Variants in TRMT11 observed in about 807,000 individuals in gnomAD.
The protein encoded by TRMT11 is tRNA methyltransferase 11.
A neutral mutation model predicts 62.8 loss-of-function variants in TRMT11; 53 were observed. The observed-to-expected ratio is 0.84, with a 90% CI of 0.68 to 1.06. The LOEUF (loss-of-function observed/expected upper bound fraction) is 1.06, where lower values mean the gene tolerates loss of function less well. Among genes scored for constraint, TRMT11 ranks in the 50% least tolerant of loss-of-function variants. The pLI, the probability that TRMT11 is intolerant of heterozygous loss-of-function variation, is 0.00. For missense variants in TRMT11, 556 were observed against 553.4 expected (o/e 1.00, Z -0.05); for synonymous variants, 188 against 190.3 (o/e 0.99, Z 0.10).
chr6:126,115,425 C>G (rs1777576209), exon 20 of TRMT11, among the ~76,000 whole-genome samples: 1 of 152,068 alleles, frequency 6.6e-6, no homozygotes, highest in Non-Finnish European at 1.5e-5. Flanking sequence ...TCAGATGATT[C>G]CAATGTGCAG....
At chr6:126,012,189 AT>A in intron 9 of TRMT11, among the ~76,000 whole-genome samples, 1 of 152,150 alleles carries the variant, frequency 6.6e-6, no homozygotes, top group East Asian at 1.9e-4. Flanking sequence ...CTTTATGAAA[AT>A]TTAGTTTTTT....
intron 17 of TRMT11, among the ~76,000 whole-genome samples, chr6:126,063,813 C>G (rs1461510045): frequency 6.6e-6 from 1 of 152,208 alleles, no homozygotes; most frequent in East Asian, 1.9e-4. Context: ...GCTTTTACAG[C>G]CCAGGGTAGA....
At chr6:126,155,151 A>G (rs1017407702) in intron 21 of TRMT11, among the ~76,000 whole-genome samples, 1 of 152,298 alleles carries the variant, frequency 6.6e-6, no homozygotes, top group Admixed American at 6.5e-5. Flanking sequence ...GCATCTTCTT[A>G]TGGGGCCCGA....
chr6:126,028,746 A>G (rs1003393862), intron 12 of TRMT11, among the ~76,000 whole-genome samples: 4 of 152,164 alleles, frequency 2.6e-5, no homozygotes, highest in African/African-American at 9.7e-5. Context: ...TTGATAAACC[A>G]TGAAAAAGCA....
chr6:126,151,874 C>T lies in TRMT11; in HGVS notation c.*1824-22951C>T, dbSNP rs1562334858. Among the ~76,000 whole-genome samples, 380 of 79,612 alleles carry T rather than the reference C, an allele frequency of 4.8e-3. 6 individuals carry two copies. The highest frequency in any genetic ancestry group is 7.2e-3 in the South Asian group (19 of 2,632). The allele number at this position is 79,612 out of a possible 152,430, so 52.2% of individuals were successfully genotyped here. A position where few individuals can be genotyped will look rare whatever the true frequency, so the allele number is the denominator to read the frequency against. ...TCTTTCTTTCTTTCTTTCCTTCTTT[C>T]TCCTTCCTTCCTTGTCTTTTTCTTT... On this transcript the variant is annotated intron_variant and NMD_transcript_variant, in intron 21 of 22. Coordinates refer to the TRMT11 transcript ENST00000648977.
chr6:126,050,088 G>A (rs910920997), intron 16 of TRMT11, among the ~76,000 whole-genome samples: 3 of 152,158 alleles, frequency 2.0e-5, no homozygotes, highest in Non-Finnish European at 4.4e-5. Context: ...CAGCACTTTG[G>A]GAGGTGGAGG....
chr6:126,062,803 C>T (rs911498757), intron 17 of TRMT11, among the ~76,000 whole-genome samples: 6 of 152,244 alleles, frequency 3.9e-5, no homozygotes, highest in Middle Eastern at 3.4e-3. Flanking sequence ...AGGACTGAAG[C>T]TGATGTAAAT....
intron 21 of TRMT11, among the ~76,000 whole-genome samples, chr6:126,159,188 A>C (rs1403204983): frequency 6.6e-6 from 1 of 152,028 alleles, no homozygotes. Context: ...AGATATTTGC[A>C]AGTGATATGT....
In TRMT11 at chr6:126,169,640, G is replaced by A. The variant is rs567021979; in HGVS notation, c.*1824-5185G>A. 8.5e-4 allele frequency among the ~76,000 whole-genome samples: 130 copies of A among 152,066 alleles called. 1 individual carries two copies. Among genetic ancestry groups the A allele is most frequent in the Non-Finnish European group, 1.7e-3 (117 of 68,004 alleles). On this transcript the variant is annotated intron_variant and NMD_transcript_variant, in intron 21 of 22. Transcript: ENST00000648977. ...GTCACCTGGCTGGTGAAGAGTTTCT[G>A]GGTCCCATAATATTTTACATAGGAC... is the stretch of plus-strand genomic sequence containing the variant.
chr6:126,002,089 G>C (rs754335402), intron 7 of TRMT11, among the ~76,000 whole-genome samples: 1 of 151,918 alleles, frequency 6.6e-6, no homozygotes, highest in Non-Finnish European at 1.5e-5. Flanking sequence ...TTCAAGCTCT[G>C]GTATCAGTCA....
At chr6:126,122,480 A>G (rs1434187513) in intron 21 of TRMT11, among the ~76,000 whole-genome samples, 1 of 152,136 alleles carries the variant, frequency 6.6e-6, no homozygotes, top group South Asian at 2.1e-4. Context: ...AAAATATTAT[A>G]TGTAAGAACT....
chr6:126,038,454 GAAAAA>G (rs776681711), intron 12 of TRMT11, among the ~76,000 whole-genome samples: 58 of 106,286 alleles, frequency 5.5e-4, no homozygotes, highest in Non-Finnish European at 6.9e-4. Context: ...AAAAAAAAAA[GAAAAA>G]AAGAAATTTG....
downstream of TRMT11, among the ~76,000 whole-genome samples, chr6:126,043,126 A>G (rs1775929188): frequency 6.6e-6 from 1 of 151,112 alleles, no homozygotes; most frequent in Non-Finnish European, 1.5e-5. Context: ...ATATGTATAC[A>G]TGTGCCATGC....
chr6:126,117,968 G>A (rs1459535767), intron 21 of TRMT11, among the ~76,000 whole-genome samples: 2 of 152,070 alleles, frequency 1.3e-5, no homozygotes, highest in South Asian at 2.1e-4. Context: ...ACAGAGGCTG[G>A]AAATTCCTCC....
chr6:126,200,001 A>G (rs1778716814), intron 3 of TRMT11: 1 of 152,228 alleles, frequency 6.6e-6, no homozygotes, highest in Non-Finnish European at 1.5e-5. Context: ...TGGTTGAGAA[A>G]CAATATAGGG....
chr6:126,216,803 C>G, the TRMT11 span, among the ~76,000 whole-genome samples: 3 of 152,128 alleles, frequency 2.0e-5, no homozygotes, highest in Non-Finnish European at 4.4e-5. Context: ...GTGAAGTTCT[C>G]TGTTCTTATC....
At chr6:126,094,529 C>T (rs1050258749) in intron 17 of TRMT11, among the ~76,000 whole-genome samples, 1 of 152,150 alleles carries the variant, frequency 6.6e-6, no homozygotes, top group African/African-American at 2.4e-5. Context: ...TGGCTTGTTT[C>T]GTCAGACTTT....
chr6:126,069,882 G>C (rs1002796658), intron 17 of TRMT11, among the ~76,000 whole-genome samples: 1 of 141,194 alleles, frequency 7.1e-6, no homozygotes, highest in African/African-American at 2.6e-5. Context: ...TAGGTTTATT[G>C]AAACAAATGA....
intron 1 of TRMT11, among the ~76,000 whole-genome samples, chr6:126,196,635 G>A (rs1778669172): frequency 6.6e-6 from 1 of 151,832 alleles, no homozygotes; most frequent in Non-Finnish European, 1.5e-5. Context: ...TATTTTTATT[G>A]CACAGAAGTG....
Sources: gnomAD v4.1 joint callset for allele counts (sites outside exome capture counted in the v4.1 genomes callset) on GRCh38, gnomAD v4.1.1 for gene constraint, MANE v1.5 for transcripts, NCBI Gene and HGNC (gene_info 2026-07-23, HGNC 2026-07-21) for gene names.